The following PALM variants were observed in gnomAD, a reference collection of about 807,000 sequenced individuals.
The protein encoded by PALM is paralemmin-1.
A neutral mutation model predicts 30.7 loss-of-function variants in PALM; 18 were observed. The observed-to-expected ratio is 0.59, with a 90% CI of 0.41 to 0.87. The LOEUF is 0.87. PALM is among the 40% of genes least tolerant of loss of function. The pLI is 0.00. For synonymous variants in PALM, 286 were observed against 242.8 expected, an observed-to-expected ratio of 1.18 and a Z score of -1.66; for missense variants, 529 against 555.4, an observed-to-expected ratio of 0.95 and a Z score of 0.48.
chr19:718,546 TC>T (rs1276221636), intron 1 of PALM, among the ~76,000 whole-genome samples: 1 of 152,004 alleles, frequency 6.6e-6, no homozygotes, highest in Non-Finnish European at 1.5e-5. Context: ...CAGGGTCCCT[TC>T]CCACCCCAGG....
At chr19:725,896 G>A (rs1265584926) in intron 1 of PALM, among the ~76,000 whole-genome samples, 1 of 152,146 alleles carries the variant, frequency 6.6e-6, no homozygotes, top group Admixed American at 6.6e-5. Context: ...CTGCCTCAAT[G>A]TCCCCTTCTC....
chr19:719,513 C>G, intron 1 of PALM: 1 of 985,442 alleles, frequency 1.0e-6, no homozygotes, highest in Non-Finnish European at 1.2e-6. Context: ...CTCTGCGCGG[C>G]TGCCGGGAGC....
At chr19:741,378 A>C (rs1388230639) in intron 8 of PALM, among the ~76,000 whole-genome samples, 1 of 149,994 alleles carries the variant, frequency 6.7e-6, no homozygotes, top group Non-Finnish European at 1.5e-5. Flanking sequence ...GGCTGAGGGG[A>C]GTTGGGCTGC....
At chr19:743,398 T>C (rs2033246833) in intron 8 of PALM, among the ~76,000 whole-genome samples, 1 of 152,158 alleles carries the variant, frequency 6.6e-6, no homozygotes, top group South Asian at 2.1e-4. Flanking sequence ...GTGATCCGTT[T>C]CCATGGCAGC....
At chr19:720,393 G>A (rs1442483359) in intron 1 of PALM, among the ~76,000 whole-genome samples, 1 of 148,784 alleles carries the variant, frequency 6.7e-6, no homozygotes, top group Non-Finnish European at 1.5e-5. Flanking sequence ...GGGGCGAGGG[G>A]GGCGCCGGGT....
At chr19:727,176 C>T (rs942005558) in intron 3 of PALM, 88 bp downstream of exon 3, 42 of 871,944 alleles carry the variant, frequency 4.8e-5, no homozygotes, top group Admixed American at 1.1e-4. Context: ...TGACCCTGAC[C>T]CCAATCCCAA....
chr19:728,701 C>T (rs1443505752), intron 4 of PALM, among the ~76,000 whole-genome samples: 2 of 151,936 alleles, frequency 1.3e-5, no homozygotes, highest in African/African-American at 2.4e-5. Context: ...CCCAGCTACT[C>T]CGGAGGCTGA....
chr19:746,581 G>A lies in PALM; in HGVS notation c.931G>A (p.Glu311Lys), dbSNP rs757536894. Residue 311 changes from glutamate to lysine, a missense_variant, in exon 9 of 9, where the codon GAG becomes AAG. Physicochemically the swap from Glu to Lys is moderately conservative, Grantham distance 56 (BLOSUM62 1). Coordinates refer to ENST00000338448, the MANE Select transcript of PALM (RefSeq NM_002579.3). This position sits in a 1 kb window ranked among gnomAD's most constrained non-coding sequence, Gnocchi z 7.1. ...IFMGYQNVED[E>K]AETKKVLGLQ... is the part of the protein sequence containing the mutation. The stretch of plus-strand genomic sequence containing the variant: ...CATGGGTTACCAGAACGTGGAGGAT[G>A]AGGCCGAGACCAAGAAGGTGCTGGG... The A allele has an allele frequency of 2.5e-6, 4 of 1,613,434 alleles. No homozygotes were observed. Among genetic ancestry groups the A allele is most frequent in the East Asian group, 4.5e-5 (2 of 44,856 alleles).
chr19:712,722 C>A (rs1327931649), intron 1 of PALM, among the ~76,000 whole-genome samples: 2 of 143,786 alleles, frequency 1.4e-5, no homozygotes, highest in Non-Finnish European at 3.0e-5. Context: ...GTCACCCAGA[C>A]TGGAGTGCAG....
At chr19:725,814 C>T (rs990744437) in intron 1 of PALM, among the ~76,000 whole-genome samples, 3 of 152,102 alleles carry the variant, frequency 2.0e-5, no homozygotes, top group African/African-American at 7.2e-5. Context: ...GGAGGTGATA[C>T]ACTTCCTTCT....
At chr19:736,149 C>CG in intron 7 of PALM, 71 bp downstream of exon 7, 6 of 494,678 alleles carry the variant, frequency 1.2e-5, no homozygotes, top group East Asian at 1.1e-4. Flanking sequence ...TCCGGGGGGC[C>CG]GGGTGGGGCG....
At position 740,476 on chromosome 19, in the gene PALM, G is replaced by C. The variant is rs769544206; in HGVS notation, c.627G>C (p.Glu209Asp). ...LPLGIKVYED[E>D]TKVVHAVDGT... ...TGGGCATCAAAGTCTACGAGGACGA[G>C]ACCAAAGGTACGAGCACCCCGGCCC... Residue 209 changes from glutamate (E) to aspartate (D), a missense_variant, in exon 8 of 9, where the codon GAG becomes GAC. Glu to Asp is a conservative substitution (Grantham distance 45). Transcript: ENST00000338448. The C allele has an allele frequency of 1.7e-5, 27 of 1,551,364 alleles. No homozygotes were observed. In the Middle Eastern group the frequency reaches 2.5e-3, roughly 144 times the overall value.
chr19:745,161 CAA>C (rs2033303230), intron 8 of PALM, among the ~76,000 whole-genome samples: 1 of 152,074 alleles, frequency 6.6e-6, no homozygotes, highest in Admixed American at 6.5e-5. Flanking sequence ...GCCTGGGCAA[CAA>C]GAGCGAAACT....
At chr19:723,954 AGGGAG>A (rs908242221) in intron 1 of PALM, among the ~76,000 whole-genome samples, 1 of 146,534 alleles carries the variant, frequency 6.8e-6, no homozygotes, top group African/African-American at 2.5e-5. Context: ...CCCACAGACC[AGGGAG>A]GGGAGGGGAG....
At position 746,912 on chromosome 19, in the gene PALM, G is replaced by A. The variant is rs1414478474; in HGVS notation, c.*98G>A. On this transcript the variant is annotated 3_prime_UTR_variant, in exon 9 of 9. Transcript: ENST00000338448. The surrounding 1 kb of genome is among the most constrained non-coding windows in gnomAD (Gnocchi z 7.1). ...CCACCCTCCACCCACAGCCTCACGG[G>A]TCCAGGACTTGGCGTGTTGTTACAT... is the stretch of plus-strand genomic sequence containing the variant. 2 of 695,120 alleles carry A rather than the reference G, an allele frequency of 2.9e-6. No individual in the cohort carries two copies. Among genetic ancestry groups the A allele is most frequent in the Non-Finnish European group, 4.7e-6 (2 of 422,916 alleles). The allele number at this position is 695,120 out of a possible 1,614,324, so 43.1% of individuals were successfully genotyped here.
At chr19:719,114 CG>C (rs1229217276) in intron 1 of PALM, 1 of 984,850 alleles carries the variant, frequency 1.0e-6, no homozygotes, top group African/African-American at 1.8e-5. Context: ...CTGGGCTCGG[CG>C]CCTGCCCGGG....
intron 4 of PALM, among the ~76,000 whole-genome samples, chr19:729,471 T>C (rs1289817456): frequency 2.2e-5 from 3 of 136,424 alleles, no homozygotes; most frequent in East Asian, 2.6e-4. Context: ...TTTTTTTTTT[T>C]TTTTTTTTTT....
chr19:736,150 G>T (rs955683400), intron 7 of PALM, 72 bp downstream of exon 7: 4 of 1,095,390 alleles, frequency 3.7e-6, no homozygotes, highest in Non-Finnish European at 5.4e-6. Context: ...CCGGGGGGCC[G>T]GGTGGGGCGG....
intron 1 of PALM, chr19:722,528 C>T (rs72980209): frequency 0.17 from 26,185 of 152,384 alleles, 2,779 homozygotes; most frequent in South Asian, 0.34. Flanking sequence ...CACACCTGGC[C>T]TAGGGTCTGA....
Sources: allele counts gnomAD v4.1 joint callset (sites outside exome capture counted in the v4.1 genomes callset), GRCh38; gene constraint gnomAD v4.1.1; non-coding constraint Gnocchi (gnomAD v3.1); transcripts MANE v1.5; gene names NCBI Gene and HGNC (gene_info 2026-07-23, HGNC 2026-07-21).